The following ZNF148 variants were observed in gnomAD, a reference collection of about 807,000 sequenced individuals.
ZNF148 encodes Beta-Enolase Repressor Factor-1.
In ZNF148, 7 loss-of-function variants were observed where a neutral mutation model predicts 67.7. That is an observed-to-expected ratio of 0.10 (90% confidence interval 0.06 to 0.19). ZNF148 has a LOEUF of 0.19. ZNF148 is among the 10% of genes least tolerant of loss of function. The probability of loss-of-function intolerance (pLI) is 1.00; values close to 1 mark genes in which losing one functional copy is unlikely to be tolerated. For missense variants in ZNF148, 583 were observed against 947.1 expected (o/e 0.62, Z 5.05); for synonymous variants, 333 against 330.7 (o/e 1.01, Z -0.08).
intron 1 of ZNF148, among the ~76,000 whole-genome samples, chr3:125,369,978 G>A (rs937528353): frequency 2.5e-4 from 37 of 147,454 alleles, no homozygotes; most frequent in Non-Finnish European, 2.1e-4. Flanking sequence ...GCAAGACCCC[G>A]TCTCAAAAAA....
intron 1 of ZNF148, among the ~76,000 whole-genome samples, chr3:125,341,214 T>A (rs1232423440): frequency 6.7e-6 from 1 of 148,990 alleles, no homozygotes; most frequent in Non-Finnish European, 1.5e-5. Context: ...TCCACAATTA[T>A]ACATTATCCA....
intron 3 of ZNF148, among the ~76,000 whole-genome samples, chr3:125,320,836 G>A (rs771324467): frequency 6.6e-6 from 1 of 152,166 alleles, no homozygotes; most frequent in Non-Finnish European, 1.5e-5. Flanking sequence ...TTTGGAGGAT[G>A]CCAGTTACAT....
chr3:125,295,677 G>A (rs564748436), intron 4 of ZNF148, among the ~76,000 whole-genome samples: 2 of 152,116 alleles, frequency 1.3e-5, no homozygotes, highest in African/African-American at 2.4e-5. Flanking sequence ...GGATCATGCC[G>A]AACTTTGCTC....
At chr3:125,321,153 A>T (rs1559754646) in intron 3 of ZNF148, among the ~76,000 whole-genome samples, 1 of 152,198 alleles carries the variant, frequency 6.6e-6, no homozygotes, top group Non-Finnish European at 1.5e-5. Flanking sequence ...CCTCTGTATA[A>T]CTACCATTTT....
chr3:125,320,410 TC>T (rs903204775), intron 3 of ZNF148, among the ~76,000 whole-genome samples: 6 of 152,198 alleles, frequency 3.9e-5, no homozygotes, highest in African/African-American at 1.2e-4. Context: ...TATATGAACA[TC>T]CATGTGTCAC....
At chr3:125,332,941 G>A (rs1941347782) in intron 1 of ZNF148, among the ~76,000 whole-genome samples, 1 of 152,004 alleles carries the variant, frequency 6.6e-6, no homozygotes, top group Non-Finnish European at 1.5e-5. Context: ...TCAACTTTTA[G>A]AATTGCTAAT....
At chr3:125,289,973 C>T (rs894526363) in intron 4 of ZNF148, among the ~76,000 whole-genome samples, 5 of 152,020 alleles carry the variant, frequency 3.3e-5, no homozygotes, top group African/African-American at 1.2e-4. Context: ...CCATTAGTAC[C>T]CTCATGCTTA....
At chr3:125,246,933 T>G (rs1318256979) in intron 7 of ZNF148, among the ~76,000 whole-genome samples, 1 of 152,198 alleles carries the variant, frequency 6.6e-6, no homozygotes, top group South Asian at 2.1e-4. Flanking sequence ...GAAAGATCAT[T>G]TATCAGGCTA....
chr3:125,248,228 C>T (rs973400514), intron 7 of ZNF148, among the ~76,000 whole-genome samples: 1 of 152,168 alleles, frequency 6.6e-6, no homozygotes, highest in Non-Finnish European at 1.5e-5. Context: ...AAACGTACAA[C>T]AGATTTTTAA....
At chr3:125,279,059 C>G (rs138674561) in intron 6 of ZNF148, 65 bp downstream of exon 6, 4 of 1,468,102 alleles carry the variant, frequency 2.7e-6, no homozygotes, top group African/African-American at 1.4e-5. Context: ...GACAGTTACA[C>G]GAAGATGAAA....
At chr3:125,333,793 T>A (rs1261897476) in intron 1 of ZNF148, among the ~76,000 whole-genome samples, 1 of 152,248 alleles carries the variant, frequency 6.6e-6, no homozygotes, top group Non-Finnish European at 1.5e-5. Context: ...CCTTGACTTA[T>A]GATGAGGTTA....
chr3:125,351,340 C>A (rs1306171601), intron 1 of ZNF148, among the ~76,000 whole-genome samples: 4 of 146,426 alleles, frequency 2.7e-5, no homozygotes, highest in Non-Finnish European at 5.9e-5. Context: ...TACCGTGCCA[C>A]CGCACTCCGG....
At chr3:125,267,125 C>T (rs913260862) in intron 7 of ZNF148, among the ~76,000 whole-genome samples, 1 of 149,258 alleles carries the variant, frequency 6.7e-6, no homozygotes, top group Non-Finnish European at 1.5e-5. Flanking sequence ...CTGAATTCTA[C>T]CAAATGTACA....
At chr3:125,282,624 CA>C (rs1284428021) in intron 5 of ZNF148, among the ~76,000 whole-genome samples, 1 of 152,078 alleles carries the variant, frequency 6.6e-6, no homozygotes, top group African/African-American at 2.4e-5. Flanking sequence ...AATTGAGTAT[CA>C]AATGGAATTT....
chr3:125,280,143 A>C (rs1938300504), intron 5 of ZNF148, among the ~76,000 whole-genome samples: 1 of 152,184 alleles, frequency 6.6e-6, no homozygotes, highest in African/African-American at 2.4e-5. Context: ...ATAAATTAGA[A>C]GTGGGTATGG....
At chr3:125,239,872 A>C (rs1936267946) in intron 7 of ZNF148, among the ~76,000 whole-genome samples, 1 of 152,220 alleles carries the variant, frequency 6.6e-6, no homozygotes, top group Non-Finnish European at 1.5e-5. Context: ...CATGCCCCAA[A>C]TAGGCAAATC....
chr3:125,342,951 GAGAT>G (rs1234420478), intron 1 of ZNF148, among the ~76,000 whole-genome samples: 25 of 152,166 alleles, frequency 1.6e-4, no homozygotes, highest in African/African-American at 5.6e-4. Flanking sequence ...CTACAAAACT[GAGAT>G]AGACTCAAAA....
chr3:125,320,261 A>C (rs1257669878), intron 3 of ZNF148, among the ~76,000 whole-genome samples: 1 of 152,184 alleles, frequency 6.6e-6, no homozygotes, highest in Non-Finnish European at 1.5e-5. Flanking sequence ...AATATGGCTA[A>C]TAAATGTAAA....
chr3:125,242,646 A>C (rs2107530457), intron 7 of ZNF148, among the ~76,000 whole-genome samples: 1 of 152,328 alleles, frequency 6.6e-6, no homozygotes. Flanking sequence ...CAAAAACAAA[A>C]AAAACAAAAA....
Sources: gnomAD v4.1 joint callset for allele counts (sites outside exome capture counted in the v4.1 genomes callset) on GRCh38, gnomAD v4.1.1 for gene constraint, MANE v1.5 for transcripts, NCBI Gene and HGNC (gene_info 2026-07-23, HGNC 2026-07-21) for gene names.